The following CNBD1 variants were observed in gnomAD, a reference collection of about 807,000 sequenced individuals.
CNBD1 encodes cyclic nucleotide-binding domain-containing protein 1.
CNBD1 carries 71 observed loss-of-function variants against 54.4 expected under a neutral mutation model. The ratio of observed to expected loss-of-function variants is 1.30; its 90% CI spans 1.08 to 1.59. CNBD1 has a LOEUF of 1.59. Among genes scored for constraint, CNBD1 ranks in the 40% most tolerant of loss-of-function variants. The pLI is 0.00. For missense variants in CNBD1, 659 were observed against 518.0 expected (o/e 1.27, Z -2.64); for synonymous variants, 182 against 170.7 (o/e 1.07, Z -0.51).
At chr8:87,417,210 C>T (rs1448295576) in intron 2 of CNBD1, among the ~76,000 whole-genome samples, 1 of 152,058 alleles carries the variant, frequency 6.6e-6, no homozygotes, top group South Asian at 2.1e-4. Flanking sequence ...GCACATCTTA[C>T]ATAGATGCAG....
intron 2 of CNBD1, among the ~76,000 whole-genome samples, chr8:87,404,474 A>G (rs1807620876): frequency 6.6e-6 from 1 of 152,058 alleles, no homozygotes; most frequent in Non-Finnish European, 1.5e-5. Context: ...TCCACTTTTC[A>G]CAGAACAAGA....
chr8:87,158,364 A>C (rs1372514163), intron 4 of CNBD1, among the ~76,000 whole-genome samples: 2 of 152,178 alleles, frequency 1.3e-5, no homozygotes, highest in East Asian at 3.9e-4. Context: ...TAAAATCTTA[A>C]TAAATGTTTT....
At chr8:86,953,961 G>C (rs75816068) in intron 4 of CNBD1, among the ~76,000 whole-genome samples, 1 of 152,286 alleles carries the variant, frequency 6.6e-6, no homozygotes, top group East Asian at 1.9e-4. Flanking sequence ...GCATTGAAAT[G>C]CTAGGGATTA....
chr8:87,322,890 C>T (rs1462301220), intron 8 of CNBD1, among the ~76,000 whole-genome samples: 1 of 117,626 alleles, frequency 8.5e-6, no homozygotes, highest in Admixed American at 8.5e-5. Context: ...ATGCCTAGGT[C>T]CTGAATGGTA....
intron 4 of CNBD1, among the ~76,000 whole-genome samples, chr8:87,079,724 AT>A (rs1421856014): frequency 6.6e-6 from 1 of 152,064 alleles, no homozygotes; most frequent in African/African-American, 2.4e-5. Flanking sequence ...GAACACACAT[AT>A]TTTGTCTCAC....
At chr8:86,972,302 G>A (rs1808242861) in intron 4 of CNBD1, among the ~76,000 whole-genome samples, 1 of 152,100 alleles carries the variant, frequency 6.6e-6, no homozygotes, top group African/African-American at 2.4e-5. Flanking sequence ...ATAGTGAGCA[G>A]TTTTTTAATG....
intron 4 of CNBD1, among the ~76,000 whole-genome samples, chr8:87,146,059 A>G (rs1200902920): frequency 2.0e-5 from 3 of 152,048 alleles, no homozygotes; most frequent in African/African-American, 7.2e-5. Flanking sequence ...CTGTCTCCAA[A>G]TATTTTCGAA....
At position 87,211,230 on chromosome 8, in the gene CNBD1, C is replaced by T. The variant is rs944751795; in HGVS notation, c.577+5092C>T. Among the ~76,000 whole-genome samples, 17 of 152,278 alleles carry T rather than the reference C, an allele frequency of 1.1e-4. 1 individual carries two copies. The highest frequency in any genetic ancestry group is 3.6e-4 in the African/African-American group (15 of 41,574). ...AATGTTTTTCCATTGCCTGTTTCCC[C>T]ATTGTATCTTGGAAGTAAATAGTAC... On this transcript the variant is annotated intron_variant, in intron 5 of 10. Transcript: ENST00000518476.
intron 4 of CNBD1, among the ~76,000 whole-genome samples, chr8:87,048,975 T>G (rs1323992147): frequency 6.6e-6 from 1 of 152,238 alleles, no homozygotes; most frequent in Non-Finnish European, 1.5e-5. Flanking sequence ...TTTCACTGAC[T>G]AGAGGCTGGC....
Position 87,357,107 on chromosome 8 carries a change from A to T in CNBD1, c.1303+3321A>T, listed in dbSNP as rs117772900. Among the ~76,000 whole-genome samples the T allele has an allele frequency of 4.4e-3, 665 of 152,248 alleles. 1 individual carries two copies. The highest frequency in any genetic ancestry group is 6.6e-3 in the Non-Finnish European group (450 of 68,020). The stretch of plus-strand genomic sequence containing the variant: ...GAGTGAAGGAAGCTTGCTATATTCT[A>T]CCTAGATTTCAGAGAATGTATCAGA... On this transcript the variant is annotated intron_variant, in intron 10 of 10. Transcript: ENST00000518476.
chr8:87,333,234 C>T (rs1448936253), intron 8 of CNBD1, among the ~76,000 whole-genome samples: 1 of 152,150 alleles, frequency 6.6e-6, no homozygotes, highest in African/African-American at 2.4e-5. Context: ...TATCCTGAGA[C>T]TTTGCTGAAG....
intron 4 of CNBD1, among the ~76,000 whole-genome samples, chr8:87,204,570 A>G (rs978992040): frequency 2.6e-5 from 4 of 152,150 alleles, no homozygotes; most frequent in Admixed American, 6.6e-5. Context: ...TCAGTTAATA[A>G]TACATTGCTA....
chr8:87,313,018 T>C (rs1413433215), intron 8 of CNBD1, among the ~76,000 whole-genome samples: 1 of 152,056 alleles, frequency 6.6e-6, no homozygotes, highest in African/African-American at 2.4e-5. Flanking sequence ...ATTTTCATTA[T>C]GTAATTTTGG....
At chr8:87,304,326 G>A (rs1157085215) in intron 8 of CNBD1, among the ~76,000 whole-genome samples, 4 of 152,176 alleles carry the variant, frequency 2.6e-5, no homozygotes, top group Non-Finnish European at 5.9e-5. Flanking sequence ...ATGAGTTCAT[G>A]TCCTTTGTAG....
intron 8 of CNBD1, among the ~76,000 whole-genome samples, chr8:87,319,492 T>C (rs1244431456): frequency 2.0e-5 from 3 of 152,068 alleles, no homozygotes; most frequent in African/African-American, 7.2e-5. Context: ...TAGAATAACC[T>C]ATATGAACTT....
At chr8:86,902,301 G>C (rs374515068) in intron 2 of CNBD1, among the ~76,000 whole-genome samples, 1 of 152,020 alleles carries the variant, frequency 6.6e-6, no homozygotes, top group African/African-American at 2.4e-5. Flanking sequence ...GGGAGTTGGG[G>C]GGGGAGCCAT....
intron 4 of CNBD1, among the ~76,000 whole-genome samples, chr8:87,201,441 C>T (rs1813859979): frequency 1.3e-5 from 2 of 152,254 alleles, no homozygotes; most frequent in African/African-American, 2.4e-5. Context: ...CTAAAACTAT[C>T]TCTGTTTGCA....
chr8:87,356,316 A>G (rs1039888708), intron 10 of CNBD1, among the ~76,000 whole-genome samples: 1 of 152,194 alleles, frequency 6.6e-6, no homozygotes, highest in Non-Finnish European at 1.5e-5. Flanking sequence ...GGAAAGTTTG[A>G]AACTACTTAG....
At chr8:87,374,812 G>GA (rs1810891711) in intron 10 of CNBD1, among the ~76,000 whole-genome samples, 1 of 150,262 alleles carries the variant, frequency 6.7e-6, no homozygotes, top group African/African-American at 2.5e-5. Flanking sequence ...GAATTGCTCA[G>GA]AAAAATAGCT....
Sources: gnomAD v4.1 joint callset for allele counts (sites outside exome capture counted in the v4.1 genomes callset) on GRCh38, gnomAD v4.1.1 for gene constraint, MANE v1.5 for transcripts, NCBI Gene and HGNC (gene_info 2026-07-23, HGNC 2026-07-21) for gene names.